BICD1: variants seen among roughly 807,000 people sequenced by gnomAD.
BICD1 encodes the protein BICD cargo adaptor 1.
BICD1 carries 35 observed loss-of-function variants against 92.5 expected under a neutral mutation model. The ratio of observed to expected loss-of-function variants is 0.38; its 90% CI spans 0.29 to 0.50. The LOEUF is 0.50. Ranked by LOEUF, BICD1 falls within the 20% of genes least tolerant of loss-of-function variation. The pLI is 0.93. For synonymous variants in BICD1, 429 were observed against 465.1 expected (o/e 0.92, Z 1.00); for missense variants, 950 against 1,189.8 (o/e 0.80, Z 2.97).
chr12:32,278,859 G>T (rs1010089516), intron 2 of BICD1, among the ~76,000 whole-genome samples: 2 of 124,114 alleles, frequency 1.6e-5, no homozygotes, highest in Non-Finnish European at 3.5e-5. Flanking sequence ...CTGTCTCAAA[G>T]AAATAAAATA....
chr12:32,378,780 C>G lies in BICD1; in HGVS notation c.*1153C>G, dbSNP rs182258902. ...TGCCAAAAAAACAATAGATAATAAA[C>G]CTTAGCTCATTGTCTACTTTTGACA... On this transcript the variant is annotated 3_prime_UTR_variant, in exon 10 of 10. Transcript: ENST00000652176. The G allele has an allele frequency of 1.3e-5, 2 of 151,994 alleles. No homozygotes were observed. The highest frequency in any genetic ancestry group is 3.8e-4 in the East Asian group (2 of 5,198). 9.4% of individuals were successfully genotyped at this position (151,994 alleles called of 1,614,324 possible).
At chr12:32,201,066 C>T (rs1188088847) in intron 1 of BICD1, among the ~76,000 whole-genome samples, 2 of 152,146 alleles carry the variant, frequency 1.3e-5, no homozygotes, top group Non-Finnish European at 2.9e-5. Flanking sequence ...AGGAATCGTC[C>T]CTCATTACTT....
chr12:32,150,632 G>A (rs983826265), intron 1 of BICD1, among the ~76,000 whole-genome samples: 45 of 152,130 alleles, frequency 3.0e-4, no homozygotes, highest in African/African-American at 1.1e-3. Context: ...TGCTATAGAC[G>A]GGTAACTTCC....
chr12:32,154,317 A>G (rs1412834798), intron 1 of BICD1, among the ~76,000 whole-genome samples: 1 of 152,070 alleles, frequency 6.6e-6, no homozygotes, highest in African/African-American at 2.4e-5. Context: ...TCTATTGGAG[A>G]GCTGTTCGTG....
At position 32,216,903 on chromosome 12, in the gene BICD1, C is replaced by CT. The variant is rs372030613; in HGVS notation, c.426+447dup. Among the ~76,000 whole-genome samples the CT allele has an allele frequency of 7.2e-4, 109 of 152,274 alleles. 1 individual carries two copies. The highest frequency in any genetic ancestry group is 2.6e-3 in the African/African-American group (108 of 41,560). On this transcript the variant is annotated intron_variant, in intron 2 of 9. Coordinates refer to ENST00000652176, the MANE Select transcript of BICD1 (RefSeq NM_001714.4). ...AGCCTAGGCGAGTGTCCTGAGAAGT[C>CT]TTTGAGTCTGGTGATGCAGATCCCC...
chr12:32,312,808 G>A (rs1443582781), intron 4 of BICD1, among the ~76,000 whole-genome samples: 1 of 152,178 alleles, frequency 6.6e-6, no homozygotes, highest in Non-Finnish European at 1.5e-5. Context: ...ATAGTTCAAT[G>A]AGTGTCATCC....
At chr12:32,133,632 A>G (rs1313118006) in intron 1 of BICD1, among the ~76,000 whole-genome samples, 2 of 152,154 alleles carry the variant, frequency 1.3e-5, no homozygotes, top group African/African-American at 4.8e-5. Context: ...TTCATGATGC[A>G]TATTAAGTGT....
At chr12:32,263,802 T>C (rs1334537613) in intron 2 of BICD1, among the ~76,000 whole-genome samples, 1 of 152,206 alleles carries the variant, frequency 6.6e-6, no homozygotes, top group African/African-American at 2.4e-5. Flanking sequence ...GTTAATCATA[T>C]GCGGACTATA....
At chr12:32,365,240 A>G (rs191257) in intron 8 of BICD1, among the ~76,000 whole-genome samples, 14,652 of 152,222 alleles carry the variant, frequency 0.096, 807 homozygotes, top group Middle Eastern at 0.16. Context: ...TCTTGTCTCA[A>G]AAATAAAATA....
At chr12:32,158,648 T>C (rs1275394314) in intron 1 of BICD1, among the ~76,000 whole-genome samples, 1 of 152,184 alleles carries the variant, frequency 6.6e-6, no homozygotes, top group Non-Finnish European at 1.5e-5. Context: ...TTGTGGACAG[T>C]CATCTGTGAT....
intron 8 of BICD1, among the ~76,000 whole-genome samples, chr12:32,345,375 G>A (rs1353796963): frequency 2.0e-5 from 3 of 151,866 alleles, no homozygotes; most frequent in Admixed American, 2.0e-4. Flanking sequence ...TTTTCAATAG[G>A]TAATGGTTCA....
At chr12:32,340,161 T>C (rs1213953736) in intron 8 of BICD1, 1 of 985,228 alleles carries the variant, frequency 1.0e-6, no homozygotes, top group East Asian at 1.1e-4. Flanking sequence ...ACTTTCCTTA[T>C]CTGATTCATG....
At chr12:32,234,876 G>T (rs944591822) in intron 2 of BICD1, among the ~76,000 whole-genome samples, 1 of 151,558 alleles carries the variant, frequency 6.6e-6, no homozygotes, top group Non-Finnish European at 1.5e-5. Flanking sequence ...GTAGAGACAG[G>T]ATCACCCCAT....
intron 8 of BICD1, among the ~76,000 whole-genome samples, chr12:32,350,176 T>C (rs559612432): frequency 2.6e-4 from 39 of 152,194 alleles, no homozygotes; most frequent in Non-Finnish European, 4.6e-4. Context: ...CTACTTCCCA[T>C]TCCTTTATTT....
At chr12:32,116,868 C>T (rs1941934816) in intron 1 of BICD1, among the ~76,000 whole-genome samples, 1 of 152,124 alleles carries the variant, frequency 6.6e-6, no homozygotes, top group Admixed American at 6.5e-5. Flanking sequence ...GTGTGAACTA[C>T]TGTGCCTGGC....
chr12:32,373,709 A>G (rs929556978), intron 9 of BICD1, among the ~76,000 whole-genome samples: 6 of 46,730 alleles, frequency 1.3e-4, no homozygotes, highest in Non-Finnish European at 2.5e-4. Context: ...CGTCTCTACT[A>G]AAAAAAAAAA....
At chr12:32,149,423 A>T (rs375544759) in intron 1 of BICD1, among the ~76,000 whole-genome samples, 2 of 152,376 alleles carry the variant, frequency 1.3e-5, no homozygotes, top group Non-Finnish European at 2.9e-5. Flanking sequence ...ATATGTTTTC[A>T]TATACATTAT....
chr12:32,327,632 G>C lies in BICD1; in HGVS notation c.1177G>C (p.Gly393Arg), dbSNP rs760462735. ...SSKELKAELD[G>R]EKGRDSGEEA... ...CAAGGAGCTCAAGGCTGAGCTGGAC[G>C]GGGAGAAGGGCCGGGACTCAGGGGA... Residue 393 changes from glycine (G) to arginine (R), a missense_variant, in exon 5 of 10, where the codon GGG becomes CGG. This residue lies in a region of BICD1 where 246 missense variants were observed against 258.4 expected (regional missense o/e 0.95). Coordinates refer to ENST00000652176, the MANE Select transcript of BICD1 (RefSeq NM_001714.4). 4 of 1,614,090 alleles carry C rather than the reference G, an allele frequency of 2.5e-6. No homozygotes were observed. The highest frequency in any genetic ancestry group is 4.5e-5 in the East Asian group (2 of 44,866).
chr12:32,316,587 C>G (rs1260126973), intron 4 of BICD1, among the ~76,000 whole-genome samples: 2 of 152,100 alleles, frequency 1.3e-5, no homozygotes, highest in Non-Finnish European at 2.9e-5. Flanking sequence ...AGGCATGAGC[C>G]AATGCGCCTG....
Sources: gnomAD v4.1 joint callset for allele counts (sites outside exome capture counted in the v4.1 genomes callset) on GRCh38, gnomAD v4.1.1 for gene constraint, gnomAD v4.1.1 regional missense constraint, MANE v1.5 for transcripts, NCBI Gene and HGNC (gene_info 2026-07-23, HGNC 2026-07-21) for gene names.